The following RNF175 variants were observed in gnomAD, a reference collection of about 807,000 sequenced individuals.
RNF175 encodes the protein ring finger protein 175.
A neutral mutation model predicts 50.0 loss-of-function variants in RNF175; 38 were observed. The ratio of observed to expected loss-of-function variants is 0.76; its 90% CI spans 0.59 to 1.00. The LOEUF (loss-of-function observed/expected upper bound fraction) is 1.00, where lower values mean the gene tolerates loss of function less well. RNF175 is among the 50% of genes least tolerant of loss of function. The pLI, the probability that RNF175 is intolerant of heterozygous loss-of-function variation, is 0.00. For synonymous variants in RNF175, 155 were observed against 146.1 expected (o/e 1.06, Z -0.44); for missense variants, 388 against 409.6 (o/e 0.95, Z 0.46).
At chr4:153,723,669 A>G (rs1215327111) in intron 4 of RNF175, among the ~76,000 whole-genome samples, 1 of 152,200 alleles carries the variant, frequency 6.6e-6, no homozygotes, top group Non-Finnish European at 1.5e-5. Flanking sequence ...GTTTCTGTGT[A>G]TATGCGTATG....
At chr4:153,744,821 T>G (rs1388862807) in intron 3 of RNF175, among the ~76,000 whole-genome samples, 1 of 152,192 alleles carries the variant, frequency 6.6e-6, no homozygotes, top group Non-Finnish European at 1.5e-5. Flanking sequence ...AAGTGCAATA[T>G]AAAGAGTGTT....
chr4:153,759,657 G>C (rs1001722300), intron 1 of RNF175, 140 bp downstream of exon 1: 40 of 527,930 alleles, frequency 7.6e-5, no homozygotes, highest in Non-Finnish European at 1.0e-4. Flanking sequence ...TCATGCGTCC[G>C]TCCCCACGTC....
At chr4:153,714,500 C>CTT (rs1737784111) in intron 7 of RNF175, 1 of 152,164 alleles carries the variant, frequency 6.6e-6, no homozygotes, top group African/African-American at 2.4e-5. Flanking sequence ...ATTAAGTGGG[C>CTT]TTTAGGCAAA....
chr4:153,710,252 C>A lies in RNF175; in HGVS notation c.*117G>T. Reference sequence around the variant, plus strand: ...TCCACATGGACAAATTGCTTGACAACAAAGTTTACTTAGTTTTCTAAACAC... The same window carrying A: ...TCCACATGGACAAATTGCTTGACAAAAAAGTTTACTTAGTTTTCTAAACAC... On this transcript the variant is annotated 3_prime_UTR_variant, in exon 9 of 9. Transcript: ENST00000347063. 1.3e-6 allele frequency: 1 copy of A among 777,738 alleles called. No individual in the cohort carries two copies. The highest frequency in any genetic ancestry group is 1.9e-6 in the Non-Finnish European group (1 of 519,682). 48.2% of individuals were successfully genotyped at this position (777,738 alleles called of 1,614,324 possible).
Position 153,710,396 on chromosome 4 carries a change from G to A in RNF175, c.960C>T (p.Gly320=), listed in dbSNP as rs1398841724. 2 of 1,562,334 alleles carry A rather than the reference G, an allele frequency of 1.3e-6. No homozygotes were observed. The highest frequency in any genetic ancestry group is 1.4e-5 in the African/African-American group (1 of 73,798). The change falls in exon 9 of 9, where the codon GGC becomes GGT. Residue 320 remains glycine, a synonymous_variant. Coordinates refer to ENST00000347063, the MANE Select transcript of RNF175 (RefSeq NM_173662.4). ...ATTCCAGCCCTAGTGAATAGATAAT[G>A]CCTTGAACTATTCCTATCACCACAG... ...WQPVVIGIVQ[G]IIYSLGLE
chr4:153,748,832 C>T (rs749437382), intron 2 of RNF175, 46 bp from the exon 3 acceptor site: 38 of 1,493,476 alleles, frequency 2.5e-5, no homozygotes, highest in African/African-American at 1.1e-4. Context: ...CTCAACCTTG[C>T]GCATTTAGCA....
intron 7 of RNF175, among the ~76,000 whole-genome samples, chr4:153,712,876 G>A (rs1737685403): frequency 6.8e-6 from 1 of 148,028 alleles, no homozygotes; most frequent in African/African-American, 2.5e-5. Flanking sequence ...TTCCTTTACA[G>A]TGATGTCTTC....
At chr4:153,738,334 C>A (rs1369289650) in intron 3 of RNF175, among the ~76,000 whole-genome samples, 2 of 151,662 alleles carry the variant, frequency 1.3e-5, no homozygotes, top group Admixed American at 6.6e-5. Context: ...CAGGTGCCTG[C>A]CGCTACATCT....
At chr4:153,727,658 A>G (rs1738781132) in intron 4 of RNF175, 1 of 152,270 alleles carries the variant, frequency 6.6e-6, no homozygotes, top group Non-Finnish European at 1.5e-5. Flanking sequence ...TGGGCACAGT[A>G]TGTGATGATA....
At chr4:153,755,508 AC>A (rs1740516209) in intron 1 of RNF175, among the ~76,000 whole-genome samples, 1 of 152,220 alleles carries the variant, frequency 6.6e-6, no homozygotes, top group Non-Finnish European at 1.5e-5. Flanking sequence ...GAAATTAAAA[AC>A]AGGAAGACAG....
chr4:153,710,464 C>T lies in RNF175; in HGVS notation c.892G>A (p.Gly298Arg). 1 of 1,607,350 alleles carries T rather than the reference C, an allele frequency of 6.2e-7. No homozygotes were observed. Among genetic ancestry groups the T allele is most frequent in the Non-Finnish European group, 8.5e-7 (1 of 1,176,792 alleles). Residue 298 changes from glycine to arginine, a missense_variant, in exon 9 of 9, where the codon GGA (glycine) becomes AGA (arginine). Gly to Arg is a moderately radical substitution (Grantham distance 125). Transcript: ENST00000347063. ...NPWERTHFLY[G>R]QILDWLRYLV... ...TAACGAAGCCAATCCAGGATTTGTC[C>T]ATACAGAAAATGTGTGCGCTCCCAG...
At position 153,759,960 on chromosome 4, in the gene RNF175, G is replaced by T; in HGVS notation, c.-98C>A. ...CGCCGCGGGGCCTCGGGAGCCGAGG[G>T]TGAGAGCCGGATCTGCGGCGGCGGC... On this transcript the variant is annotated 5_prime_UTR_variant, in exon 1 of 9. Coordinates refer to ENST00000347063, the MANE Select transcript of RNF175 (RefSeq NM_173662.4). The T allele has an allele frequency of 3.0e-6, 2 of 677,734 alleles. No individual in the cohort carries two copies. The highest frequency in any genetic ancestry group is 4.3e-6 in the Non-Finnish European group (2 of 469,740). 42.0% of individuals were successfully genotyped at this position (677,734 alleles called of 1,614,324 possible). A position where few individuals can be genotyped will look rare whatever the true frequency, so the allele number is the denominator to read the frequency against.
At position 153,728,214 on chromosome 4, in the gene RNF175, T is replaced by A; in HGVS notation, c.394A>T (p.Thr132Ser). The change falls in exon 4 of 9, where the codon ACA becomes TCA. Residue 132 changes from threonine (T) to serine (S), a missense_variant. Physicochemically the swap from Thr to Ser is moderately conservative, Grantham distance 58 (BLOSUM62 1). Transcript: ENST00000347063. ...AATGTATGGAATACATACCGTGGTG[T>A]CCTTCCTGAGAGGGGTTTTCGGGTA... ...RATRKPLSGR[T>S]PRLVYKWFLL... The A allele has an allele frequency of 6.2e-7, 1 of 1,612,734 alleles. No individual in the cohort carries two copies. The highest frequency in any genetic ancestry group is 2.2e-5 in the East Asian group (1 of 44,828).
chr4:153,718,522 G>A (rs531609599), intron 6 of RNF175, among the ~76,000 whole-genome samples: 1 of 152,114 alleles, frequency 6.6e-6, no homozygotes, highest in Admixed American at 6.5e-5. Flanking sequence ...GGTTGGATCA[G>A]GTGAGAAGTT....
At chr4:153,717,354 T>C (rs1737998158) in intron 6 of RNF175, among the ~76,000 whole-genome samples, 1 of 152,174 alleles carries the variant, frequency 6.6e-6, no homozygotes. Context: ...CCCAGACCTA[T>C]AATGAGCCAT....
intron 3 of RNF175, among the ~76,000 whole-genome samples, chr4:153,741,138 G>T (rs113730647): frequency 2.4e-4 from 36 of 152,220 alleles, no homozygotes; most frequent in African/African-American, 8.7e-4. Flanking sequence ...TGTGTACCTG[G>T]GGTGGCCTTT....
intron 2 of RNF175, among the ~76,000 whole-genome samples, chr4:153,749,735 AC>A (rs1030125037): frequency 6.6e-5 from 10 of 151,922 alleles, no homozygotes; most frequent in African/African-American, 2.4e-4. Context: ...AAAAATCTTA[AC>A]CCCCCATATC....
intron 7 of RNF175, chr4:153,714,477 T>C (rs1438593866): frequency 6.6e-6 from 1 of 152,156 alleles, no homozygotes. Flanking sequence ...GACACCGAGG[T>C]ATGACTGACT....
chr4:153,749,292 T>C (rs5020754), intron 2 of RNF175, among the ~76,000 whole-genome samples: 24,167 of 152,284 alleles, frequency 0.16, 2,540 homozygotes, highest in East Asian at 0.37. Flanking sequence ...TTTGTGTCTA[T>C]ATAAGGAATA....
Sources: allele counts gnomAD v4.1 joint callset (sites outside exome capture counted in the v4.1 genomes callset), GRCh38; gene constraint gnomAD v4.1.1; transcripts MANE v1.5; gene names NCBI Gene and HGNC (gene_info 2026-07-23, HGNC 2026-07-21).